The following LRP1B variants were observed in gnomAD, a reference collection of about 807,000 sequenced individuals.
The protein encoded by LRP1B is LDL receptor related protein 1B.
LRP1B carries 217 observed loss-of-function variants against 556.6 expected under a neutral mutation model. That is an observed-to-expected ratio of 0.39 (90% CI 0.35 to 0.44). The LOEUF is 0.44. LRP1B is among the 20% of genes least tolerant of loss of function. The pLI is 1.00. For missense variants in LRP1B, 5,053 were observed against 5,620.8 expected (o/e 0.90, Z 3.23); for synonymous variants, 2,047 against 1,865.8 (o/e 1.10, Z -2.50).
At chr2:140,352,342 A>T (rs1204947370) in intron 76 of LRP1B, among the ~76,000 whole-genome samples, 1 of 151,768 alleles carries the variant, frequency 6.6e-6, no homozygotes, top group Non-Finnish European at 1.5e-5. Flanking sequence ...CGCCTGGCTA[A>T]TTTTTGTAGT....
At chr2:142,120,559 T>C (rs1467935303) in intron 1 of LRP1B, among the ~76,000 whole-genome samples, 1 of 152,186 alleles carries the variant, frequency 6.6e-6, no homozygotes, top group Admixed American at 6.6e-5. Context: ...ATGTCAAGAA[T>C]TCAGGGACAA....
At chr2:140,531,794 A>T (rs916759702) in intron 47 of LRP1B, among the ~76,000 whole-genome samples, 3 of 152,080 alleles carry the variant, frequency 2.0e-5, no homozygotes, top group African/African-American at 7.2e-5. Context: ...CTATTGGCCA[A>T]ATATGACGGA....
At chr2:140,782,109 A>T (rs1036151660) in intron 32 of LRP1B, among the ~76,000 whole-genome samples, 1 of 152,196 alleles carries the variant, frequency 6.6e-6, no homozygotes, top group Admixed American at 6.6e-5. Flanking sequence ...AATCTTCAGA[A>T]ATTATTGAAA....
chr2:141,027,796 G>A (rs1026978961), intron 11 of LRP1B, among the ~76,000 whole-genome samples: 4 of 152,056 alleles, frequency 2.6e-5, no homozygotes, highest in South Asian at 2.1e-4. Flanking sequence ...TGGTGCCCTC[G>A]TAAATGAAGT....
At chr2:140,586,022 A>T (rs1043153538) in intron 43 of LRP1B, among the ~76,000 whole-genome samples, 2 of 152,174 alleles carry the variant, frequency 1.3e-5, no homozygotes, top group Non-Finnish European at 2.9e-5. Flanking sequence ...GTGTCTTTAA[A>T]AAAACTCAAA....
chr2:142,002,981 C>CT (rs1702701413), intron 1 of LRP1B, among the ~76,000 whole-genome samples: 1 of 152,186 alleles, frequency 6.6e-6, no homozygotes. Context: ...TTCACAAGTC[C>CT]TTACAACACC....
intron 18 of LRP1B, among the ~76,000 whole-genome samples, chr2:140,960,264 C>T (rs1161927520): frequency 6.6e-6 from 1 of 151,660 alleles, no homozygotes; most frequent in Non-Finnish European, 1.5e-5. Flanking sequence ...TGATAATACC[C>T]AAAATAGACA....
chr2:140,819,788 CACTAAATGCCAACAAGGAT>C (rs1277161803), intron 31 of LRP1B, among the ~76,000 whole-genome samples: 4 of 152,072 alleles, frequency 2.6e-5, no homozygotes, highest in Non-Finnish European at 5.9e-5. Context: ...GCAGTGAGAA[CACTAAATGCCAACAAGGAT>C]ACAGAGAACT....
intron 3 of LRP1B, among the ~76,000 whole-genome samples, chr2:141,467,102 G>GTATATATATATATATA (rs1384566758): frequency 1.2e-5 from 1 of 84,390 alleles, no homozygotes; most frequent in African/African-American, 5.9e-5. Flanking sequence ...ATATATATGT[G>GTATATATATATATATA]TATATATATA....
chr2:140,810,833 T>A (rs1253171041), intron 32 of LRP1B, among the ~76,000 whole-genome samples: 4 of 152,004 alleles, frequency 2.6e-5, no homozygotes, highest in African/African-American at 9.7e-5. Context: ...ACCTCCCAGG[T>A]TCAAGCGATT....
At chr2:141,424,175 G>A (rs1016495233) in intron 3 of LRP1B, among the ~76,000 whole-genome samples, 18 of 150,274 alleles carry the variant, frequency 1.2e-4, no homozygotes, top group South Asian at 2.1e-4. Flanking sequence ...GGGCAAAGGC[G>A]CAATCTTGGC....
chr2:140,851,169 GT>G (rs1044364701), intron 28 of LRP1B, among the ~76,000 whole-genome samples: 1 of 151,774 alleles, frequency 6.6e-6, no homozygotes, highest in African/African-American at 2.4e-5. Context: ...AATGTGTGGA[GT>G]TTTTTTTACA....
chr2:141,335,626 T>A (rs1427313151), intron 3 of LRP1B, among the ~76,000 whole-genome samples: 1 of 152,110 alleles, frequency 6.6e-6, no homozygotes, highest in African/African-American at 2.4e-5. Context: ...GACAGTGAAA[T>A]AATATATAAA....
chr2:141,555,038 C>T (rs74887227), intron 2 of LRP1B, among the ~76,000 whole-genome samples: 170 of 152,024 alleles, frequency 1.1e-3, no homozygotes, highest in African/African-American at 3.9e-3. Context: ...ACATAAAGTC[C>T]CAAAGGGGAA....
intron 6 of LRP1B, among the ~76,000 whole-genome samples, chr2:141,227,047 C>T (rs907916966): frequency 9.2e-5 from 14 of 152,050 alleles, no homozygotes; most frequent in Non-Finnish European, 1.6e-4. Context: ...ACAACAACAA[C>T]AACAACAAAA....
intron 1 of LRP1B, among the ~76,000 whole-genome samples, chr2:142,041,278 G>A (rs1014060013): frequency 5.9e-5 from 9 of 151,300 alleles, no homozygotes; most frequent in African/African-American, 2.2e-4. Flanking sequence ...TTATACAAAA[G>A]CTTCAAGGAG....
At chr2:140,493,029 C>T (rs949034716) in intron 56 of LRP1B, among the ~76,000 whole-genome samples, 3 of 152,144 alleles carry the variant, frequency 2.0e-5, no homozygotes, top group Admixed American at 2.0e-4. Context: ...TAATCTTCAC[C>T]TCTCTTAGAA....
intron 17 of LRP1B, among the ~76,000 whole-genome samples, chr2:140,986,833 G>A (rs530637131): frequency 1.2e-4 from 19 of 152,242 alleles, no homozygotes; most frequent in South Asian, 6.2e-4. Context: ...ACAAATTCAC[G>A]AAGTAGAAAT....
chr2:141,371,390 G>GT (rs1242540074), intron 3 of LRP1B, among the ~76,000 whole-genome samples: 2 of 151,972 alleles, frequency 1.3e-5, no homozygotes, highest in South Asian at 2.1e-4. Flanking sequence ...TTTTAGAATT[G>GT]TTTTTTCTAA....
Sources: allele counts gnomAD v4.1 joint callset (sites outside exome capture counted in the v4.1 genomes callset), GRCh38; gene constraint gnomAD v4.1.1; transcripts MANE v1.5; gene names NCBI Gene and HGNC (gene_info 2026-07-23, HGNC 2026-07-21).